The following CNTN5 variants were observed in gnomAD, a reference collection of about 807,000 sequenced individuals.
The protein encoded by CNTN5 is contactin-5.
CNTN5 carries 77 observed loss-of-function variants against 129.1 expected under a neutral mutation model. The ratio of observed to expected loss-of-function variants is 0.60; its 90% CI spans 0.50 to 0.72. CNTN5 has a LOEUF of 0.72. Ranked by LOEUF, CNTN5 falls within the 30% of genes least tolerant of loss-of-function variation. The pLI is 0.00. For synonymous variants in CNTN5, 509 were observed against 465.6 expected, an observed-to-expected ratio of 1.09 and a Z score of -1.20; for missense variants, 1,478 against 1,328.8, an observed-to-expected ratio of 1.11 and a Z score of -1.75.
At chr11:99,470,728 A>C (rs1471654841) in intron 2 of CNTN5, among the ~76,000 whole-genome samples, 1 of 152,184 alleles carries the variant, frequency 6.6e-6, no homozygotes, top group Non-Finnish European at 1.5e-5. Context: ...TATTCTGAAG[A>C]GGATACCCAA....
At chr11:99,538,186 G>T (rs916182427) in intron 2 of CNTN5, among the ~76,000 whole-genome samples, 2 of 152,156 alleles carry the variant, frequency 1.3e-5, no homozygotes, top group African/African-American at 4.8e-5. Context: ...CAGTGGAACT[G>T]ATAAACTCTT....
chr11:100,199,857 C>T (rs1354796174), intron 15 of CNTN5, among the ~76,000 whole-genome samples: 2 of 151,838 alleles, frequency 1.3e-5, no homozygotes, highest in Non-Finnish European at 2.9e-5. Flanking sequence ...TTTTATTTTT[C>T]ATCACTTTGT....
chr11:99,722,215 A>C (rs1191181627), intron 3 of CNTN5, among the ~76,000 whole-genome samples: 1 of 152,212 alleles, frequency 6.6e-6, no homozygotes, highest in Non-Finnish European at 1.5e-5. Flanking sequence ...AAAGTAGCAA[A>C]GATGTGGAAT....
At chr11:99,083,978 T>C (rs887819073) in intron 1 of CNTN5, among the ~76,000 whole-genome samples, 1 of 152,198 alleles carries the variant, frequency 6.6e-6, no homozygotes, top group Non-Finnish European at 1.5e-5. Context: ...TAACTGACAT[T>C]ATTCCTTGTT....
chr11:99,575,003 A>T (rs1425088842), intron 3 of CNTN5, among the ~76,000 whole-genome samples: 4 of 152,336 alleles, frequency 2.6e-5, no homozygotes, highest in African/African-American at 9.6e-5. Context: ...CAACTTTGCC[A>T]TGAATTGTGG....
chr11:99,915,553 T>A (rs1301298026), intron 6 of CNTN5, among the ~76,000 whole-genome samples: 3 of 152,168 alleles, frequency 2.0e-5, no homozygotes, highest in Admixed American at 2.0e-4. Context: ...AAAAGAATGC[T>A]TTTTCTATTT....
chr11:100,019,950 G>C (rs1335658103), intron 9 of CNTN5, among the ~76,000 whole-genome samples: 1 of 151,794 alleles, frequency 6.6e-6, no homozygotes, highest in East Asian at 1.9e-4. Flanking sequence ...CTTTTTTTGA[G>C]AACTGTCTAT....
intron 18 of CNTN5, among the ~76,000 whole-genome samples, chr11:100,277,147 C>T (rs1950531170): frequency 6.6e-6 from 1 of 152,126 alleles, no homozygotes. Flanking sequence ...TTGCAAATGA[C>T]AGGATTTCAT....
chr11:99,036,044 G>A (rs1863710291), intron 1 of CNTN5, among the ~76,000 whole-genome samples: 1 of 151,904 alleles, frequency 6.6e-6, no homozygotes, highest in African/African-American at 2.4e-5. Context: ...TAGTTTGGCT[G>A]GATATGAAAT....
chr11:99,435,849 C>T (rs923387062), intron 2 of CNTN5, among the ~76,000 whole-genome samples: 2 of 152,078 alleles, frequency 1.3e-5, no homozygotes, highest in Non-Finnish European at 2.9e-5. Context: ...GCCATGTAGG[C>T]CATGAAATTA....
chr11:99,260,907 C>G (rs1305255228), intron 1 of CNTN5, among the ~76,000 whole-genome samples: 2 of 151,886 alleles, frequency 1.3e-5, no homozygotes, highest in Admixed American at 1.3e-4. Flanking sequence ...ATTCCAAACT[C>G]TTCGGAAGCA....
In CNTN5 at chr11:99,455,439, G is replaced by GTT. The variant is rs556595093; in HGVS notation, c.-70-100696_-70-100695dup. On this transcript the variant is annotated intron_variant, in intron 2 of 24. Coordinates refer to ENST00000524871, the MANE Select transcript of CNTN5 (RefSeq NM_014361.4). Reference sequence around the variant, plus strand: ...ATTTCATTTTCCTGAAAAATATGTAGTTTTTTTTTTTAAAAAAAACATAAG... The same window carrying GTT: ...ATTTCATTTTCCTGAAAAATATGTAGTTTTTTTTTTTTTAAAAAAAACATAAG... Among the ~76,000 whole-genome samples the GTT allele has an allele frequency of 5.7e-3, 835 of 147,574 alleles. 21 individuals carry two copies. In the East Asian group the frequency reaches 0.092, roughly 16 times the overall value.
At chr11:99,500,027 T>C (rs761198001) in intron 2 of CNTN5, among the ~76,000 whole-genome samples, 4 of 152,164 alleles carry the variant, frequency 2.6e-5, no homozygotes, top group Admixed American at 6.5e-5. Flanking sequence ...TATTTCACCA[T>C]GTTGAGTTCT....
chr11:99,738,786 G>C (rs1392979181), intron 3 of CNTN5, among the ~76,000 whole-genome samples: 1 of 152,074 alleles, frequency 6.6e-6, no homozygotes, highest in East Asian at 1.9e-4. Flanking sequence ...CTATCCCATA[G>C]GCAGTAGAGG....
intron 13 of CNTN5, among the ~76,000 whole-genome samples, chr11:100,173,825 C>T (rs1368973246): frequency 2.0e-5 from 3 of 152,058 alleles, no homozygotes; most frequent in Non-Finnish European, 4.4e-5. Flanking sequence ...GGGACCACAA[C>T]AGAAGTTACA....
Position 99,869,436 on chromosome 11 carries a change from C to G in CNTN5, c.577+24174C>G, listed in dbSNP as rs148421417. On this transcript the variant is annotated intron_variant, in intron 6 of 24. Coordinates refer to ENST00000524871, the MANE Select transcript of CNTN5 (RefSeq NM_014361.4). ...GAATATATCTTACATTAAAGAGACC[C>G]TAACTTTTGTTTATTTTTATGAAAC... 8.3e-4 allele frequency among the ~76,000 whole-genome samples: 126 copies of G among 152,130 alleles called. 1 individual carries two copies. The highest frequency in any genetic ancestry group is 2.9e-3 in the African/African-American group (120 of 41,508).
chr11:99,826,392 C>A (rs983066639), intron 4 of CNTN5, among the ~76,000 whole-genome samples: 3 of 152,164 alleles, frequency 2.0e-5, no homozygotes, highest in Admixed American at 6.5e-5. Flanking sequence ...TGCAAGTCCA[C>A]ACCTTTCAAT....
chr11:100,232,005 T>G (rs2138651501), intron 16 of CNTN5, among the ~76,000 whole-genome samples: 1 of 151,982 alleles, frequency 6.6e-6, no homozygotes, highest in African/African-American at 2.4e-5. Context: ...AATACAAAAA[T>G]TATCTGGGCA....
rs563876129 is a variant in CNTN5, at chr11:99,792,569, G to GTC, written c.56-26974_56-26973insCT. On this transcript the variant is annotated intron_variant, in intron 3 of 24. Transcript: ENST00000524871. ...TGTGTGTGTGTGTGTGTGTGTGTGT[G>GTC]TGTGTGTCTGTCTGTCTGTCTGTCT... Among the ~76,000 whole-genome samples, 101 of 77,774 alleles carry GTC rather than the reference G, an allele frequency of 1.3e-3. 1 individual carries two copies. Among genetic ancestry groups the GTC allele is most frequent in the East Asian group, 7.1e-3 (11 of 1,556 alleles). 51.0% of individuals were successfully genotyped at this position (77,774 alleles called of 152,430 possible).
Sources: allele counts gnomAD v4.1 joint callset (sites outside exome capture counted in the v4.1 genomes callset), GRCh38; gene constraint gnomAD v4.1.1; transcripts MANE v1.5; gene names NCBI Gene and HGNC (gene_info 2026-07-23, HGNC 2026-07-21).